Variants in HS3ST4 observed in about 807,000 individuals in gnomAD.
HS3ST4 encodes heparan sulfate glucosamine 3-O-sulfotransferase 4.
Under a neutral mutation model 29.2 loss-of-function variants are expected in HS3ST4, and 17 were observed. The ratio of observed to expected loss-of-function variants is 0.58; its 90% CI spans 0.40 to 0.87. HS3ST4 has a LOEUF of 0.87. Among genes scored for constraint, HS3ST4 ranks in the 40% least tolerant of loss-of-function variants. The pLI, the probability that HS3ST4 is intolerant of heterozygous loss-of-function variation, is 0.00. For missense variants in HS3ST4, 627 were observed against 634.5 expected, an observed-to-expected ratio of 0.99 and a Z score of 0.13; for synonymous variants, 314 against 285.7, an observed-to-expected ratio of 1.10 and a Z score of -1.00.
intron 1 of HS3ST4, among the ~76,000 whole-genome samples, chr16:25,929,704 G>A (rs1968444677): frequency 6.6e-6 from 1 of 152,226 alleles, no homozygotes; most frequent in Non-Finnish European, 1.5e-5. Flanking sequence ...TAGAAGGTTG[G>A]CAGCAGGGAA....
intron 1 of HS3ST4, among the ~76,000 whole-genome samples, chr16:25,995,866 G>C (rs1017900909): frequency 6.6e-6 from 1 of 152,134 alleles, no homozygotes; most frequent in African/African-American, 2.4e-5. Context: ...ATAAATGTGA[G>C]TTATTATCCC....
rs746926445 is a variant in HS3ST4 at position 25,692,819 on chromosome 16, C to A, written c.402C>A (p.Gly134=). 7.2e-7 allele frequency: 1 copy of A among 1,386,464 alleles called. No individual in the cohort carries two copies. The highest frequency in any genetic ancestry group is 1.7e-5 in the South Asian group (1 of 60,088). The allele number at this position is 1,386,464 out of a possible 1,614,324, so 85.9% of individuals were successfully genotyped here. A position where few individuals can be genotyped will look rare whatever the true frequency, so the allele number is the denominator to read the frequency against. Residue 134 remains glycine (G), a synonymous_variant, in exon 1 of 2, where the codon GGC becomes GGA. Coordinates refer to ENST00000331351, the MANE Select transcript of HS3ST4 (RefSeq NM_006040.3). ...GGGGGCTGCCGAGCGGCGGCGGAGG[C>A]GCCCAGGACGCCTGGCTCCGGACCC... is the stretch of plus-strand genomic sequence containing the variant. ...DGWGLPSGGG[G]AQDAWLRTPL...
intron 1 of HS3ST4, among the ~76,000 whole-genome samples, chr16:26,006,819 G>C (rs569750458): frequency 6.6e-6 from 1 of 152,322 alleles, no homozygotes; most frequent in Admixed American, 6.5e-5. Context: ...GCAGAATTCA[G>C]GCTCCTCTCA....
Position 26,136,137 on chromosome 16 carries a change from T to C in HS3ST4, c.1260T>C (p.Ile420=), listed in dbSNP as rs562057878. 1.9e-6 allele frequency: 3 copies of C among 1,613,444 alleles called. No homozygotes were observed. In the African/African-American group the frequency reaches 4.0e-5, roughly 21 times the overall value. ...GCAAAGGTCGGACTCATCCTCGCAT[T>C]GACCCAGATGTCATCCACAGACTGA... ...GKSKGRTHPR[I]DPDVIHRLRK... Residue 420 remains isoleucine, a synonymous_variant, in exon 2 of 2, where the codon ATT becomes ATC. Transcript: ENST00000331351.
intron 1 of HS3ST4, among the ~76,000 whole-genome samples, chr16:25,930,534 TA>T (rs1168531036): frequency 1.3e-5 from 2 of 152,196 alleles, no homozygotes; most frequent in Non-Finnish European, 2.9e-5. Context: ...AGCACTGGGG[TA>T]AGCAAAAACC....
At chr16:25,867,015 C>T (rs1967702702) in intron 1 of HS3ST4, among the ~76,000 whole-genome samples, 1 of 152,100 alleles carries the variant, frequency 6.6e-6, no homozygotes, top group Non-Finnish European at 1.5e-5. Flanking sequence ...GGAAGACCCA[C>T]CCAATTCACA....
intron 1 of HS3ST4, among the ~76,000 whole-genome samples, chr16:26,012,134 G>T (rs1475515459): frequency 6.6e-6 from 1 of 152,202 alleles, no homozygotes; most frequent in African/African-American, 2.4e-5. Context: ...TGCCTCAGTA[G>T]ATAAGTCAGC....
In HS3ST4 at chr16:25,692,626, G is replaced by GCGC; in HGVS notation, c.218_220dup (p.Ala73dup). The GCGC allele has an allele frequency of 1.5e-6, 2 of 1,370,668 alleles. No homozygotes were observed. Among genetic ancestry groups the GCGC allele is most frequent in the Non-Finnish European group, 1.9e-6 (2 of 1,052,226 alleles). The allele number at this position is 1,370,668 out of a possible 1,614,324, so 84.9% of individuals were successfully genotyped here. A position where few individuals can be genotyped will look rare whatever the true frequency, so the allele number is the denominator to read the frequency against. Reference sequence around the variant, plus strand: ...CCTCTGGCGCTGCAGGAGTCGCCGGGCGCCGCCGCCGAGCCCCCGCCGAGC... The same window carrying GCGC: ...CCTCTGGCGCTGCAGGAGTCGCCGGGCGCCGCCGCCGCCGAGCCCCCGCCGAGC... On this transcript the variant is annotated inframe_insertion, in exon 1 of 2. Coordinates refer to ENST00000331351, the MANE Select transcript of HS3ST4 (RefSeq NM_006040.3).
rs1182283378 is a variant in HS3ST4, at chr16:25,692,646, C to G, written c.229C>G (p.Pro77Ala). ...ESPGAAAEPP[P>A]SPPPPSLLPT... Reference sequence around the variant, plus strand: ...GCCGGGCGCCGCCGCCGAGCCCCCGCCGAGCCCGCCGCCACCCTCTCTGCT... The same window carrying G: ...GCCGGGCGCCGCCGCCGAGCCCCCGGCGAGCCCGCCGCCACCCTCTCTGCT... Residue 77 changes from proline to alanine, a missense_variant, in exon 1 of 2, where the codon CCG becomes GCG. This residue lies in a region of HS3ST4 where 402 missense variants were observed against 340.8 expected (regional missense o/e 1.18). Transcript: ENST00000331351. The G allele has an allele frequency of 4.4e-6, 6 of 1,360,830 alleles. No individual in the cohort carries two copies. Among genetic ancestry groups the G allele is most frequent in the Admixed American group, 2.6e-5 (1 of 38,212 alleles). The allele number at this position is 1,360,830 out of a possible 1,614,324, so 84.3% of individuals were successfully genotyped here.
chr16:26,065,485 G>A (rs1222921741), intron 1 of HS3ST4, among the ~76,000 whole-genome samples: 5 of 152,210 alleles, frequency 3.3e-5, no homozygotes, highest in African/African-American at 4.8e-5. Context: ...GCTGGAGGGT[G>A]GGAGGAGGGA....
intron 1 of HS3ST4, among the ~76,000 whole-genome samples, chr16:25,836,744 A>C (rs965298149): frequency 1.3e-5 from 2 of 152,234 alleles, no homozygotes; most frequent in Non-Finnish European, 2.9e-5. Context: ...TGGACTATAA[A>C]TGTTAAATTA....
At chr16:26,049,291 G>A (rs987823598) in intron 1 of HS3ST4, among the ~76,000 whole-genome samples, 1 of 151,570 alleles carries the variant, frequency 6.6e-6, no homozygotes, top group Non-Finnish European at 1.5e-5. Flanking sequence ...GTGAAGGCAA[G>A]GTGAGGGGGG....
chr16:25,889,905 TGC>T (rs1491175935), intron 1 of HS3ST4, among the ~76,000 whole-genome samples: 1 of 93,840 alleles, frequency 1.1e-5, no homozygotes, highest in African/African-American at 3.7e-5. Context: ...CCCCTATACA[TGC>T]TCTCTCTCTC....
intron 1 of HS3ST4, among the ~76,000 whole-genome samples, chr16:25,746,070 C>A (rs912259982): frequency 7.2e-5 from 11 of 152,218 alleles, no homozygotes; most frequent in Non-Finnish European, 1.3e-4. Flanking sequence ...AGTGCTTTGC[C>A]CATTGTTCCA....
At chr16:25,787,861 G>T (rs1966859905) in intron 1 of HS3ST4, among the ~76,000 whole-genome samples, 1 of 152,202 alleles carries the variant, frequency 6.6e-6, no homozygotes, top group African/African-American at 2.4e-5. Flanking sequence ...AAATGTCAAG[G>T]TTGCTGGTGG....
intron 1 of HS3ST4, among the ~76,000 whole-genome samples, chr16:25,717,256 G>A (rs913135497): frequency 3.3e-5 from 5 of 152,164 alleles, no homozygotes; most frequent in African/African-American, 1.2e-4. Flanking sequence ...GTACGCAGAA[G>A]CAATGGATTC....
At chr16:25,948,452 C>T (rs1298928774) in intron 1 of HS3ST4, among the ~76,000 whole-genome samples, 1 of 151,998 alleles carries the variant, frequency 6.6e-6, no homozygotes, top group Non-Finnish European at 1.5e-5. Context: ...GTGTGTTCTC[C>T]TCTTGAAATG....
intron 1 of HS3ST4, among the ~76,000 whole-genome samples, chr16:25,868,400 C>CCT (rs1285237816): frequency 6.6e-6 from 1 of 152,158 alleles, no homozygotes; most frequent in African/African-American, 2.4e-5. Flanking sequence ...TTCCCCCTTC[C>CCT]CTCTGTAGGA....
chr16:26,083,485 T>C (rs1355966129), intron 1 of HS3ST4, among the ~76,000 whole-genome samples: 1 of 152,178 alleles, frequency 6.6e-6, no homozygotes, highest in Non-Finnish European at 1.5e-5. Flanking sequence ...CAACAATTTT[T>C]TTTTCCATAA....
Sources: allele counts gnomAD v4.1 joint callset (sites outside exome capture counted in the v4.1 genomes callset), GRCh38; gene constraint gnomAD v4.1.1; regional missense constraint gnomAD v4.1.1; transcripts MANE v1.5; gene names NCBI Gene and HGNC (gene_info 2026-07-23, HGNC 2026-07-21).